PACRG: variants seen among roughly 807,000 people sequenced by gnomAD.
The protein encoded by PACRG is parkin coregulated gene protein.
In PACRG, 29 loss-of-function variants were observed where a neutral mutation model predicts 29.7. That is an observed-to-expected ratio of 0.98 (90% CI 0.73 to 1.33). PACRG has a LOEUF of 1.33. Ranked by LOEUF, PACRG falls within the 40% of genes most tolerant of loss-of-function variation. PACRG has a pLI of 0.00. For missense variants in PACRG, 279 were observed against 316.2 expected (o/e 0.88, Z 0.89); for synonymous variants, 116 against 118.7 (o/e 0.98, Z 0.15).
Position 163,221,538 on chromosome 6 carries a change from G to A in PACRG, c.614-93289G>A, listed in dbSNP as rs115271528. Among the ~76,000 whole-genome samples the A allele has an allele frequency of 5.7e-3, 864 of 152,352 alleles. 10 individuals are homozygous for A. The highest frequency in any genetic ancestry group is 0.02 in the African/African-American group (819 of 41,580). On this transcript the variant is annotated intron_variant, in intron 4 of 4. Coordinates refer to ENST00000366888, the MANE Select transcript of PACRG (RefSeq NM_001080379.2). ...TTCATGGTTGCAAAGCACATCTTAC[G>A]TTGAAGCTGGAATCCTAGGCTTCCG... is the stretch of plus-strand genomic sequence containing the variant.
intron 4 of PACRG, among the ~76,000 whole-genome samples, chr6:163,126,895 G>C (rs1816538510): frequency 6.6e-6 from 1 of 152,198 alleles, no homozygotes; most frequent in Non-Finnish European, 1.5e-5. Flanking sequence ...CAGGCACCCA[G>C]GTAGCACTGC....
intron 4 of PACRG, among the ~76,000 whole-genome samples, chr6:163,279,757 C>G (rs183405016): frequency 1.4e-3 from 211 of 152,218 alleles, no homozygotes; most frequent in Middle Eastern, 0.014. Context: ...CTTATTATAT[C>G]AATGCTATGC....
At chr6:162,879,256 C>T (rs554763164) in intron 2 of PACRG, among the ~76,000 whole-genome samples, 1 of 152,310 alleles carries the variant, frequency 6.6e-6, no homozygotes, top group South Asian at 2.1e-4. Flanking sequence ...CTATAGTTCT[C>T]TGTTCTATAG....
chr6:163,122,611 C>G (rs2051954473), intron 4 of PACRG, among the ~76,000 whole-genome samples: 1 of 152,176 alleles, frequency 6.6e-6, no homozygotes, highest in Admixed American at 6.5e-5. Flanking sequence ...TCGACTTCCA[C>G]TGTGACCAGA....
intron 4 of PACRG, among the ~76,000 whole-genome samples, chr6:163,111,409 A>G (rs918707395): frequency 6.6e-6 from 1 of 152,228 alleles, no homozygotes; most frequent in Non-Finnish European, 1.5e-5. Context: ...TGTTTATGCC[A>G]CTTTTATGCA....
chr6:162,947,349 A>ATATGATATATAAT (rs1491156729), intron 2 of PACRG, among the ~76,000 whole-genome samples: 1 of 41,776 alleles, frequency 2.4e-5, no homozygotes. Context: ...TATAATGATT[A>ATATGATATATAAT]CATATATATA....
chr6:163,121,434 A>G (rs1031489059), intron 4 of PACRG, among the ~76,000 whole-genome samples: 3 of 152,084 alleles, frequency 2.0e-5, no homozygotes, highest in African/African-American at 7.2e-5. Context: ...GGCTTCTGTG[A>G]TGCACAGAGT....
At chr6:162,811,012 T>C (rs1786815811) in intron 1 of PACRG, among the ~76,000 whole-genome samples, 1 of 151,820 alleles carries the variant, frequency 6.6e-6, no homozygotes, top group Non-Finnish European at 1.5e-5. Flanking sequence ...CTTCTGAAAA[T>C]TAAAGACAGA....
At chr6:162,899,423 T>G (rs1795397020) in intron 2 of PACRG, among the ~76,000 whole-genome samples, 1 of 152,098 alleles carries the variant, frequency 6.6e-6, no homozygotes, top group Non-Finnish European at 1.5e-5. Flanking sequence ...GGCTACCGCT[T>G]CGGCACCACC....
rs115553704 is a variant in PACRG at position 163,289,526 on chromosome 6, G to T, written c.614-25301G>T. Among the ~76,000 whole-genome samples, 1,355 of 152,086 alleles carry T rather than the reference G, an allele frequency of 8.9e-3. 19 individuals are homozygous for T. The highest frequency in any genetic ancestry group is 0.032 in the African/African-American group (1,307 of 41,448). ...AATACTTAAGATTTCATTTGAAATA[G>T]AATTAAATGAAAGTTAAGGAAGCCT... On this transcript the variant is annotated intron_variant, in intron 4 of 4. Coordinates refer to ENST00000366888, the MANE Select transcript of PACRG (RefSeq NM_001080379.2).
At chr6:163,034,480 C>T (rs919928188) in intron 2 of PACRG, among the ~76,000 whole-genome samples, 1 of 152,060 alleles carries the variant, frequency 6.6e-6, no homozygotes, top group Non-Finnish European at 1.5e-5. Flanking sequence ...GGCTTCTAAC[C>T]CAAGGTTGGT....
At chr6:163,000,357 C>T (rs2128197084) in intron 2 of PACRG, among the ~76,000 whole-genome samples, 1 of 152,208 alleles carries the variant, frequency 6.6e-6, no homozygotes, top group South Asian at 2.1e-4. Flanking sequence ...CAGAAGTCAC[C>T]CTCTGAGAAC....
At chr6:163,243,837 G>A (rs1167610549) in intron 4 of PACRG, among the ~76,000 whole-genome samples, 1 of 150,146 alleles carries the variant, frequency 6.7e-6, no homozygotes, top group East Asian at 1.9e-4. Flanking sequence ...GGTCTCCAAG[G>A]CCCAGCTGCT....
chr6:163,247,655 A>G (rs1782744495), intron 4 of PACRG, among the ~76,000 whole-genome samples: 1 of 152,148 alleles, frequency 6.6e-6, no homozygotes, highest in Non-Finnish European at 1.5e-5. Context: ...GTCTTCAGTG[A>G]GCCTCAGGTC....
chr6:163,180,741 G>A (rs1444664857), intron 4 of PACRG, among the ~76,000 whole-genome samples: 1 of 152,100 alleles, frequency 6.6e-6, no homozygotes, highest in African/African-American at 2.4e-5. Context: ...CTTCAAACAT[G>A]TAGAGGCCAA....
intron 3 of PACRG, among the ~76,000 whole-genome samples, chr6:163,063,070 G>T (rs1037234450): frequency 6.6e-6 from 1 of 152,134 alleles, no homozygotes; most frequent in Non-Finnish European, 1.5e-5. Flanking sequence ...CTCAAGTCAA[G>T]GTGGCAGGGC....
intron 2 of PACRG, among the ~76,000 whole-genome samples, chr6:162,847,846 A>G (rs1259717747): frequency 1.3e-5 from 2 of 152,106 alleles, no homozygotes; most frequent in East Asian, 3.9e-4. Flanking sequence ...AGTATTTTAT[A>G]TACATGTTGA....
chr6:162,939,081 A>G lies in PACRG; in HGVS notation c.292-123069A>G, dbSNP rs530488787. Among the ~76,000 whole-genome samples, 6 of 152,332 alleles carry G rather than the reference A, an allele frequency of 3.9e-5. No homozygotes were observed. In the East Asian group the frequency reaches 9.6e-4, roughly 24 times the overall value. On this transcript the variant is annotated intron_variant, in intron 2 of 4. Coordinates refer to ENST00000366888, the MANE Select transcript of PACRG (RefSeq NM_001080379.2). The stretch of plus-strand genomic sequence containing the variant: ...AAATGGGCACATAGACCAATGGAAC[A>G]GAATAGAGAACCCAGAAATAAATCT...
At chr6:162,772,401 C>CCTT (rs1223108789) in intron 1 of PACRG, among the ~76,000 whole-genome samples, 2 of 152,042 alleles carry the variant, frequency 1.3e-5, no homozygotes, top group African/African-American at 2.4e-5. Flanking sequence ...AAGCCTCTAA[C>CCTT]ACAAAGAGAA....
Sources: gnomAD v4.1 joint callset for allele counts (sites outside exome capture counted in the v4.1 genomes callset) on GRCh38, gnomAD v4.1.1 for gene constraint, MANE v1.5 for transcripts, NCBI Gene and HGNC (gene_info 2026-07-23, HGNC 2026-07-21) for gene names.